The following DTNB variants were observed in gnomAD, a reference collection of about 807,000 sequenced individuals.
The protein encoded by DTNB is dystrobrevin beta.
In DTNB, 63 loss-of-function variants were observed where a neutral mutation model predicts 90.7. The ratio of observed to expected loss-of-function variants is 0.69; its 90% CI spans 0.57 to 0.86. DTNB has a LOEUF of 0.86. Among genes scored for constraint, DTNB ranks in the 40% least tolerant of loss-of-function variants. The pLI is 0.00. For missense variants in DTNB, 744 were observed against 807.1 expected (o/e 0.92, Z 0.95); for synonymous variants, 277 against 286.7 (o/e 0.97, Z 0.34).
chr2:25,465,488 T>C, intron 10 of DTNB, among the ~76,000 whole-genome samples: 1 of 152,224 alleles, frequency 6.6e-6, no homozygotes, highest in Non-Finnish European at 1.5e-5. Flanking sequence ...ATAAATCTTA[T>C]TAAAAATGCT....
intron 8 of DTNB, among the ~76,000 whole-genome samples, chr2:25,535,104 A>T (rs1425382082): frequency 7.0e-6 from 1 of 142,664 alleles, no homozygotes; most frequent in Non-Finnish European, 1.5e-5. Context: ...CTCACTTCCC[A>T]GACGGGGCAG....
At chr2:25,587,243 AT>A (rs1362248090) in intron 6 of DTNB, among the ~76,000 whole-genome samples, 3 of 152,226 alleles carry the variant, frequency 2.0e-5, no homozygotes, top group Non-Finnish European at 4.4e-5. Flanking sequence ...ACAGAACTGT[AT>A]TGCAAAATGA....
intron 5 of DTNB, among the ~76,000 whole-genome samples, chr2:25,599,324 T>C (rs939543451): frequency 6.6e-6 from 1 of 150,466 alleles, no homozygotes; most frequent in Non-Finnish European, 1.5e-5. Context: ...GCTTTGAACA[T>C]TACTGTTTGA....
At chr2:25,529,874 A>G (rs1345076677) in intron 9 of DTNB, among the ~76,000 whole-genome samples, 1 of 152,240 alleles carries the variant, frequency 6.6e-6, no homozygotes, top group Non-Finnish European at 1.5e-5. Context: ...AAGAGAATAG[A>G]AACATTCTCA....
chr2:25,586,683 A>G (rs2062492317), intron 6 of DTNB, among the ~76,000 whole-genome samples: 1 of 152,136 alleles, frequency 6.6e-6, no homozygotes, highest in African/African-American at 2.4e-5. Context: ...AGAGAAGAGG[A>G]CACAATCCTA....
intron 4 of DTNB, among the ~76,000 whole-genome samples, chr2:25,620,214 AG>A (rs1245300951): frequency 1.3e-5 from 2 of 151,992 alleles, no homozygotes; most frequent in South Asian, 2.1e-4. Flanking sequence ...GAGCGTCTCC[AG>A]GAGCGTAATT....
intron 1 of DTNB, among the ~76,000 whole-genome samples, chr2:25,660,025 A>T (rs2082840431): frequency 6.6e-6 from 1 of 152,206 alleles, no homozygotes; most frequent in South Asian, 2.1e-4. Flanking sequence ...TAATAAAAAA[A>T]ACAGTGTAGT....
At chr2:25,602,826 C>A (rs903600720) in intron 5 of DTNB, among the ~76,000 whole-genome samples, 3 of 152,182 alleles carry the variant, frequency 2.0e-5, no homozygotes, top group Admixed American at 6.5e-5. Flanking sequence ...TTTAAAACTA[C>A]ATTACACTTA....
In DTNB at chr2:25,432,223, A is replaced by ACACACG. The variant is rs557345419; in HGVS notation, c.1457+662_1457+663insCGTGTG. Among the ~76,000 whole-genome samples, 18 of 151,508 alleles carry ACACACG rather than the reference A, an allele frequency of 1.2e-4. No homozygotes were observed. In the South Asian group the frequency reaches 3.6e-3, roughly 30 times the overall value. ...AGAGTGCGTACACACACACACACAC[A>ACACACG]CACACACACACACACACACACCCCT... On this transcript the variant is annotated intron_variant, in intron 14 of 20. Transcript: ENST00000406818.
rs909255169 is a variant in DTNB at position 25,379,422 on chromosome 2, G to A, written c.1880-99C>T. The A allele has an allele frequency of 2.5e-5, 32 of 1,257,420 alleles. No individual in the cohort carries two copies. In the South Asian group the frequency reaches 1.1e-3, roughly 45 times the overall value. 77.9% of individuals were successfully genotyped at this position (1,257,420 alleles called of 1,614,324 possible). ...GGGCTTCCCTGACCAACCCACCCCA[G>A]GGGCTTCCTTGCTTCTCCCGTTACT... is the stretch of plus-strand genomic sequence containing the variant. On this transcript the variant is annotated intron_variant, in intron 19 of 20. Coordinates refer to ENST00000406818, the MANE Select transcript of DTNB (RefSeq NM_021907.5).
Position 25,431,539 on chromosome 2 carries a change from T to C in DTNB, c.1457+1347A>G, listed in dbSNP as rs186640432. The stretch of plus-strand genomic sequence containing the variant: ...TGATTACTCCAACTTCAGACCCTCA[T>C]TGGTCTCAGATTTACATTTCTGCTT... On this transcript the variant is annotated intron_variant, in intron 14 of 20. Coordinates refer to ENST00000406818, the MANE Select transcript of DTNB (RefSeq NM_021907.5). 3.4e-3 allele frequency among the ~76,000 whole-genome samples: 520 copies of C among 152,368 alleles called. 1 individual carries two copies. The highest frequency in any genetic ancestry group is 0.012 in the African/African-American group (500 of 41,584).
At chr2:25,401,828 G>T (rs1272117453) in intron 16 of DTNB, among the ~76,000 whole-genome samples, 1 of 152,200 alleles carries the variant, frequency 6.6e-6, no homozygotes, top group African/African-American at 2.4e-5. Context: ...AGACACTTTA[G>T]TCTCCATTTC....
intron 10 of DTNB, among the ~76,000 whole-genome samples, chr2:25,476,686 G>A (rs1488236041): frequency 2.0e-5 from 3 of 152,192 alleles, no homozygotes; most frequent in African/African-American, 7.2e-5. Flanking sequence ...CTGAAGGTGT[G>A]ACTGAATTGC....
At chr2:25,547,341 T>TA (rs2082658114) in intron 8 of DTNB, among the ~76,000 whole-genome samples, 1 of 149,586 alleles carries the variant, frequency 6.7e-6, no homozygotes, top group Admixed American at 6.6e-5. Flanking sequence ...TTTTTTTTTT[T>TA]AAGATGGAGT....
At chr2:25,420,413 T>TA (rs11412187) in intron 15 of DTNB, among the ~76,000 whole-genome samples, 81,989 of 151,276 alleles carry the variant, frequency 0.54, 23,629 homozygotes, top group Non-Finnish European at 0.66. Context: ...GTTTATTTAG[T>TA]CCTCTTATGC....
intron 8 of DTNB, among the ~76,000 whole-genome samples, chr2:25,553,702 T>C (rs959088130): frequency 1.2e-4 from 16 of 136,906 alleles, no homozygotes; most frequent in Admixed American, 4.9e-4. Context: ...ATGGCGCCAC[T>C]GCACTCCAGC....
At chr2:25,533,626 CCTCT>C (rs1049219569) in intron 8 of DTNB, among the ~76,000 whole-genome samples, 2 of 152,164 alleles carry the variant, frequency 1.3e-5, no homozygotes, top group South Asian at 2.1e-4. Flanking sequence ...CTGACTCCTG[CCTCT>C]CTCTCTTTCT....
rs6742851 is a variant in DTNB, at chr2:25,539,842, C to G, written c.877-8245G>C. Among the ~76,000 whole-genome samples, 653 of 152,182 alleles carry G rather than the reference C, an allele frequency of 4.3e-3. 4 individuals are homozygous for G. The highest frequency in any genetic ancestry group is 0.015 in the African/African-American group (612 of 41,506). Reference sequence around the variant, plus strand: ...AAATTACCGTCTAAAACGTTTTATACTCTTCACTTTTCATATTTAAATCTG... The same window carrying G: ...AAATTACCGTCTAAAACGTTTTATAGTCTTCACTTTTCATATTTAAATCTG... On this transcript the variant is annotated intron_variant, in intron 8 of 20. Coordinates refer to ENST00000406818, the MANE Select transcript of DTNB (RefSeq NM_021907.5).
At chr2:25,638,928 T>C (rs753813983) in intron 3 of DTNB, 86 bp downstream of exon 3, 172 of 1,308,450 alleles carry the variant, frequency 1.3e-4, no homozygotes, top group Non-Finnish European at 1.6e-4. Context: ...TCAATTAACA[T>C]TACAATACAA....
Sources: gnomAD v4.1 joint callset for allele counts (sites outside exome capture counted in the v4.1 genomes callset) on GRCh38, gnomAD v4.1.1 for gene constraint, MANE v1.5 for transcripts, NCBI Gene and HGNC (gene_info 2026-07-23, HGNC 2026-07-21) for gene names.